CCDC192: variants seen among roughly 807,000 people sequenced by gnomAD.
CCDC192 encodes coiled-coil domain-containing protein 192.
chr5:127,818,614 A>G (rs1372116307), intron 5 of CCDC192, among the ~76,000 whole-genome samples: 1 of 152,224 alleles, frequency 6.6e-6, no homozygotes, highest in East Asian at 1.9e-4. Flanking sequence ...GAGAATTCAG[A>G]GGAACCATCC....
At chr5:127,920,338 AATG>A (rs1753671380) in intron 6 of CCDC192, among the ~76,000 whole-genome samples, 1 of 151,936 alleles carries the variant, frequency 6.6e-6, no homozygotes, top group Non-Finnish European at 1.5e-5. Context: ...TATCATCATC[AATG>A]ATGATGATCA....
intron 5 of CCDC192, among the ~76,000 whole-genome samples, chr5:127,818,764 G>A (rs978145664): frequency 2.0e-5 from 3 of 152,160 alleles, no homozygotes; most frequent in Non-Finnish European, 4.4e-5. Context: ...GAAGTAGCCT[G>A]TACAAAGGCA....
chr5:127,923,634 T>C (rs778973466), intron 6 of CCDC192, among the ~76,000 whole-genome samples: 24 of 152,216 alleles, frequency 1.6e-4, no homozygotes, highest in South Asian at 1.2e-3. Context: ...ACCTCGGCCT[T>C]CCAAAGTGCT....
At chr5:127,775,967 C>T (rs545803947) in intron 3 of CCDC192, among the ~76,000 whole-genome samples, 5 of 152,178 alleles carry the variant, frequency 3.3e-5, no homozygotes, top group Non-Finnish European at 5.9e-5. Flanking sequence ...AACCTCTTTT[C>T]TTCATAAATT....
rs552553450 is a variant in CCDC192 at position 127,752,906 on chromosome 5, C to T, written c.115-1362C>T. ...TGCCGTTCGTCACCCCTTTCTTTGA[C>T]TAGGAAAGGGAACTCCCTGACCCCT... is the stretch of plus-strand genomic sequence containing the variant. On this transcript the variant is annotated intron_variant, in intron 2 of 6. Coordinates refer to ENST00000514853, the MANE Select transcript of CCDC192 (RefSeq NM_001317938.2). Among the ~76,000 whole-genome samples, 5 of 152,304 alleles carry T rather than the reference C, an allele frequency of 3.3e-5. No individual in the cohort carries two copies. The South Asian group carries it at 8.3e-4, about 25-fold the overall frequency.
At chr5:127,796,602 C>T (rs1757179671) in intron 3 of CCDC192, among the ~76,000 whole-genome samples, 1 of 152,130 alleles carries the variant, frequency 6.6e-6, no homozygotes, top group South Asian at 2.1e-4. Flanking sequence ...TGCCTTTGAT[C>T]AGACTTTAAC....
At chr5:127,770,526 A>C (rs1241134471) in intron 3 of CCDC192, among the ~76,000 whole-genome samples, 1 of 152,246 alleles carries the variant, frequency 6.6e-6, no homozygotes, top group Non-Finnish European at 1.5e-5. Flanking sequence ...TAGAATGTGC[A>C]AATAGAATTT....
At chr5:127,769,435 G>A (rs1337622362) in intron 3 of CCDC192, among the ~76,000 whole-genome samples, 8 of 151,852 alleles carry the variant, frequency 5.3e-5, no homozygotes, top group Non-Finnish European at 1.0e-4. Context: ...GTGTGTGTGT[G>A]TGTGTCTGAA....
At chr5:127,931,700 C>G (rs965615819) in intron 6 of CCDC192, among the ~76,000 whole-genome samples, 4 of 152,040 alleles carry the variant, frequency 2.6e-5, no homozygotes. Context: ...TAGAGTCACT[C>G]AAGCAGAATT....
intron 3 of CCDC192, among the ~76,000 whole-genome samples, chr5:127,767,808 C>G (rs889497366): frequency 6.6e-6 from 1 of 152,074 alleles, no homozygotes; most frequent in African/African-American, 2.4e-5. Context: ...ATTAAATGAT[C>G]CTTTATTAAG....
chr5:127,811,472 A>G (rs1222762346), intron 5 of CCDC192, among the ~76,000 whole-genome samples: 1 of 152,162 alleles, frequency 6.6e-6, no homozygotes, highest in Non-Finnish European at 1.5e-5. Context: ...AGGGTTGTGT[A>G]CTTAGTAATG....
intron 5 of CCDC192, among the ~76,000 whole-genome samples, chr5:127,850,198 G>A (rs1404857826): frequency 1.3e-5 from 2 of 151,852 alleles, no homozygotes; most frequent in Admixed American, 6.6e-5. Context: ...CAGGAACATC[G>A]CATATATTTG....
At chr5:127,840,493 A>G (rs1398206063) in intron 5 of CCDC192, among the ~76,000 whole-genome samples, 2 of 152,212 alleles carry the variant, frequency 1.3e-5, no homozygotes, top group Non-Finnish European at 2.9e-5. Context: ...AAAGACATAC[A>G]TATAGGAAAA....
At chr5:127,755,822 C>T (rs984831778) in intron 3 of CCDC192, among the ~76,000 whole-genome samples, 14 of 150,486 alleles carry the variant, frequency 9.3e-5, no homozygotes, top group African/African-American at 3.4e-4. Flanking sequence ...AATCAAATGG[C>T]TTTTAATGAT....
chr5:127,795,660 A>G (rs554169915), intron 3 of CCDC192, among the ~76,000 whole-genome samples: 8 of 152,146 alleles, frequency 5.3e-5, no homozygotes, highest in African/African-American at 1.9e-4. Flanking sequence ...GGCTCACTGC[A>G]ACCTCCGCCT....
chr5:127,721,389 A>G (rs1307632722), intron 2 of CCDC192, among the ~76,000 whole-genome samples: 1 of 152,168 alleles, frequency 6.6e-6, no homozygotes, highest in Non-Finnish European at 1.5e-5. Context: ...CATATAACAA[A>G]ACTGACCTTA....
intron 3 of CCDC192, among the ~76,000 whole-genome samples, chr5:127,764,173 C>T (rs577549456): frequency 1.1e-4 from 16 of 152,012 alleles, no homozygotes; most frequent in Non-Finnish European, 2.2e-4. Flanking sequence ...ACAAGGAGGG[C>T]CATTGAAGGA....
chr5:127,849,233 A>AAAAT (rs1233671884), intron 5 of CCDC192, among the ~76,000 whole-genome samples: 1 of 152,190 alleles, frequency 6.6e-6, no homozygotes, highest in Admixed American at 6.5e-5. Flanking sequence ...CTCTGTCTCA[A>AAAAT]AAATAAATAA....
chr5:127,716,429 C>T (rs1751626261), intron 2 of CCDC192, among the ~76,000 whole-genome samples: 1 of 152,122 alleles, frequency 6.6e-6, no homozygotes, highest in African/African-American at 2.4e-5. Flanking sequence ...ATTCTCTTCA[C>T]TTCAATTGTT....
Sources: gnomAD v4.1 joint callset for allele counts (sites outside exome capture counted in the v4.1 genomes callset) on GRCh38, gnomAD v4.1.1 for gene constraint, MANE v1.5 for transcripts, NCBI Gene and HGNC (gene_info 2026-07-23, HGNC 2026-07-21) for gene names.